DOC2A: variants seen among roughly 807,000 people sequenced by gnomAD.
DOC2A encodes the protein double C2-like domain-containing protein alpha.
A neutral mutation model predicts 40.6 loss-of-function variants in DOC2A; 28 were observed. That is an observed-to-expected ratio of 0.69 (90% CI 0.51 to 0.95). DOC2A has a LOEUF of 0.95. Ranked by LOEUF, DOC2A falls within the 40% of genes least tolerant of loss-of-function variation. The probability of loss-of-function intolerance (pLI) is 0.00; values close to 1 mark genes in which losing one functional copy is unlikely to be tolerated. For missense variants in DOC2A, 474 were observed against 552.5 expected, an observed-to-expected ratio of 0.86 and a Z score of 1.42; for synonymous variants, 241 against 236.9, an observed-to-expected ratio of 1.02 and a Z score of -0.16.
rs756390032 is a variant in DOC2A at position 30,009,311 on chromosome 16, C to T, written c.343-35G>A. ...AGGGCAGGGGAGAGGGCTAGAGGCT[C>T]CCGGCACCTCTCTCCATCCCTCTTG... On this transcript the variant is annotated intron_variant, in intron 3 of 10. Transcript: ENST00000350119. This position sits in a 1 kb window ranked among gnomAD's most constrained non-coding sequence, Gnocchi z 4.1. 8 of 1,539,620 alleles carry T rather than the reference C, an allele frequency of 5.2e-6. No individual in the cohort carries two copies. Among genetic ancestry groups the T allele is most frequent in the Non-Finnish European group, 5.3e-6 (6 of 1,137,092 alleles).
chr16:30,006,422 C>A lies in DOC2A; in HGVS notation c.1048G>T (p.Asp350Tyr). The stretch of plus-strand genomic sequence containing the variant: ...CCAGCTCCTCCCTCACCAATGAAGT[C>A]ATTGGATTTGCCAATGTCATAGTCC... Reference protein sequence around the residue: ...VWDYDIGKSNDFIGGVSLGPG... With the variant: ...VWDYDIGKSNYFIGGVSLGPG... The change falls in exon 10 of 11, where the codon GAC (aspartate) becomes TAC (tyrosine). Residue 350 changes from aspartate to tyrosine, a missense_variant. By Grantham distance (160) the Asp-to-Tyr change is radical. Transcript: ENST00000350119. This position sits in a 1 kb window ranked among gnomAD's most constrained non-coding sequence, Gnocchi z 6.2. 6.2e-7 allele frequency: 1 copy of A among 1,613,754 alleles called. No individual in the cohort carries two copies. Among genetic ancestry groups the A allele is most frequent in the East Asian group, 2.2e-5 (1 of 44,822 alleles).
chr16:30,007,127 T>G, intron 6 of DOC2A, 37 bp from the exon 7 acceptor site: 1 of 1,613,330 alleles, frequency 6.2e-7, no homozygotes, highest in Non-Finnish European at 8.5e-7. Flanking sequence ...AAGCCTGGCC[T>G]CCCCAGGGCC....
rs769547450 is a variant in DOC2A at position 30,006,558 on chromosome 16, C to A, written c.960+38G>T. On this transcript the variant is annotated intron_variant, in intron 9 of 10. Transcript: ENST00000350119. This position sits in a 1 kb window ranked among gnomAD's most constrained non-coding sequence, Gnocchi z 6.2. ...TTCGTGAGCCAGCTCCCCAGCCCCTCCCTGGCCTCCCTCCATGTCCCGTCC... is the reference window on the plus strand; with the variant it reads ...TTCGTGAGCCAGCTCCCCAGCCCCTACCTGGCCTCCCTCCATGTCCCGTCC... The A allele has an allele frequency of 1.7e-5, 27 of 1,613,484 alleles. No individual in the cohort carries two copies. The Admixed American group carries it at 2.0e-4, about 12-fold the overall frequency.
At chr16:30,008,750 C>G in intron 5 of DOC2A, 1 of 458,240 alleles carries the variant, frequency 2.2e-6, no homozygotes, top group South Asian at 2.1e-5. Flanking sequence ...AAGTGATCCG[C>G]CCACCTCGGC....
upstream of DOC2A, chr16:30,023,151 T>G: frequency 2.0e-6 from 1 of 494,858 alleles, no homozygotes; most frequent in Non-Finnish European, 3.7e-6. Context: ...GCCACCATTA[T>G]GGTTTTATCA....
In DOC2A at chr16:30,006,160, G is replaced by A. The variant is rs1166534278; in HGVS notation, c.*26C>T. On this transcript the variant is annotated 3_prime_UTR_variant, in exon 11 of 11. Transcript: ENST00000350119. This position sits in a 1 kb window ranked among gnomAD's most constrained non-coding sequence, Gnocchi z 6.2. ...TTGGGTACTGGACCCGGCTCGATGG[G>A]CCTGTGCCGGGACACTGCTGTCCAC... The A allele has an allele frequency of 6.4e-7, 1 of 1,560,180 alleles. No individual in the cohort carries two copies. Among genetic ancestry groups the A allele is most frequent in the Non-Finnish European group, 8.7e-7 (1 of 1,152,286 alleles).
chr16:30,007,084 AC>A lies in DOC2A; in HGVS notation c.660del (p.Ser221ProfsTer9), dbSNP rs2150952139. The A allele has an allele frequency of 6.2e-7, 1 of 1,613,808 alleles. No homozygotes were observed. The highest frequency in any genetic ancestry group is 2.2e-5 in the East Asian group (1 of 44,850). On this transcript the variant is annotated frameshift_variant, in exon 7 of 11. Coordinates refer to ENST00000350119, the MANE Select transcript of DOC2A (RefSeq NM_003586.3). LOFTEE classifies it high-confidence loss of function. ...NICLERQVPL[A>X]SPSSMSAALR... ...AGCGCCGCTGACATGGAAGAGGGGG[AC>A]GCCAGCTGAGGGGGCAAAGAGAAGG...
rs1129003 is a variant in DOC2A, at chr16:30,005,962, G to C, written c.*224C>G. 0.085 allele frequency: 51,528 copies of C among 607,946 alleles called. 3,797 individuals carry two copies. The highest frequency in any genetic ancestry group is 0.3 in the African/African-American group (16,104 of 53,900). The allele number at this position is 607,946 out of a possible 1,614,324, so 37.7% of individuals were successfully genotyped here. On this transcript the variant is annotated 3_prime_UTR_variant, in exon 11 of 11. Coordinates refer to ENST00000350119, the MANE Select transcript of DOC2A (RefSeq NM_003586.3). ...TGCCCGGGTGTGCAGATGATGGGGG[G>C]TTTGCATATTTGCAGGGACTAGCGA...
rs937025877 is a variant in DOC2A, at chr16:30,019,713, G to A, written c.-376+1470C>T. ...GCAGTTGCCTGTGGGCCTGGGGCAC[G>A]AGCCCTGGCCCAGCGTCGGGAACCA... is the stretch of plus-strand genomic sequence containing the variant. On this transcript the variant is annotated intron_variant, in intron 1 of 5. Coordinates refer to the DOC2A transcript ENST00000574405. 5.3e-5 allele frequency among the ~76,000 whole-genome samples: 8 copies of A among 152,126 alleles called. No individual in the cohort carries two copies. The South Asian group carries it at 1.2e-3, about 24-fold the overall frequency.
At chr16:30,011,156 A>T, upstream of DOC2A, 1 of 669,024 alleles carries the variant, frequency 1.5e-6, no homozygotes, top group Non-Finnish European at 1.9e-6. Flanking sequence ...TCGGGAGCGC[A>T]CGCGAGCGCG....
upstream of DOC2A, chr16:30,012,226 G>C (rs943715986): frequency 3.3e-5 from 5 of 152,218 alleles, no homozygotes; most frequent in African/African-American, 1.2e-4. Context: ...GCTTCCTTAG[G>C]AAGTCACCGT....
upstream of DOC2A, chr16:30,012,497 T>C (rs2070799710): frequency 6.6e-6 from 1 of 151,962 alleles, no homozygotes; most frequent in Non-Finnish European, 1.5e-5. Flanking sequence ...AATCTTACCC[T>C]TAAAAATGGT....
At chr16:30,019,860 G>A (rs1319933619) in intron 1 of DOC2A, among the ~76,000 whole-genome samples, 2 of 152,038 alleles carry the variant, frequency 1.3e-5, no homozygotes, top group African/African-American at 2.4e-5. Context: ...TCAGATTCCT[G>A]AGTAGCTGGG....
rs780326177 is a variant in DOC2A, at chr16:30,009,088, C to T, written c.435G>A (p.Thr145=). 6.2e-6 allele frequency: 10 copies of T among 1,613,754 alleles called. No individual in the cohort carries two copies. The highest frequency in any genetic ancestry group is 2.7e-5 in the African/African-American group (2 of 74,962). ...PGACKANKLK[T]KTQRNTLNPV... ...GATTCAGTGTGTTCCTCTGAGTCTTCGTTTTTAGCTTATTGGCCTGGGATG... is the reference window on the plus strand; with the variant it reads ...GATTCAGTGTGTTCCTCTGAGTCTTTGTTTTTAGCTTATTGGCCTGGGATG... Residue 145 remains threonine (T), a synonymous_variant, in exon 5 of 11, where the codon ACG becomes ACA. Coordinates refer to ENST00000350119, the MANE Select transcript of DOC2A (RefSeq NM_003586.3). This position sits in a 1 kb window ranked among gnomAD's most constrained non-coding sequence, Gnocchi z 4.1.
chr16:30,011,191 C>G, upstream of DOC2A: 1 of 662,660 alleles, frequency 1.5e-6, no homozygotes, highest in South Asian at 6.5e-5. Flanking sequence ...CTCGCGCGCG[C>G]ACACTCACGC....
At chr16:30,023,143 C>T, upstream of DOC2A, 1 of 493,956 alleles carries the variant, frequency 2.0e-6, no homozygotes, top group Non-Finnish European at 3.7e-6. Context: ...CTGGGGCTGC[C>T]ACCATTATGG....
upstream of DOC2A, chr16:30,013,603 C>CAAAAAAAAAAAAAAAAAAAAAAAA (rs61309249): frequency 8.6e-5 from 3 of 34,888 alleles, no homozygotes; most frequent in African/African-American, 2.0e-4. Flanking sequence ...GACCCTGTCT[C>CAAAAAAAAAAAAAAAAAAAAAAAA]AAAAAAAAAA....
upstream of DOC2A, among the ~76,000 whole-genome samples, chr16:30,013,160 A>C (rs1415793667): frequency 3.6e-5 from 3 of 82,468 alleles, no homozygotes; most frequent in Non-Finnish European, 6.2e-5. Flanking sequence ...TGTCTCTACA[A>C]AAAAAAAAAA....
chr16:30,012,533 A>T (rs573765716), upstream of DOC2A: 1 of 151,878 alleles, frequency 6.6e-6, no homozygotes, highest in South Asian at 2.1e-4. Flanking sequence ...CGATATGCGT[A>T]TTTCACGGCA....
Sources: gnomAD v4.1 joint callset for allele counts (sites outside exome capture counted in the v4.1 genomes callset) on GRCh38, gnomAD v4.1.1 for gene constraint, Gnocchi (gnomAD v3.1) non-coding constraint, MANE v1.5 for transcripts, NCBI Gene and HGNC (gene_info 2026-07-23, HGNC 2026-07-21) for gene names.